The following ZBTB20 variants were observed in gnomAD, a reference collection of about 807,000 sequenced individuals.
ZBTB20 encodes the protein zinc finger and BTB domain containing 20, also known as zinc finger and BTB domain-containing protein 20.
ZBTB20 carries 9 observed loss-of-function variants against 56.9 expected under a neutral mutation model. The ratio of observed to expected loss-of-function variants is 0.16; its 90% CI spans 0.10 to 0.28. The LOEUF (loss-of-function observed/expected upper bound fraction) is 0.28, where lower values mean the gene tolerates loss of function less well. Among genes scored for constraint, ZBTB20 ranks in the 10% least tolerant of loss-of-function variants. ZBTB20 has a pLI of 1.00. For synonymous variants in ZBTB20, 417 were observed against 420.7 expected (o/e 0.99, Z 0.11); for missense variants, 655 against 1,003.0 (o/e 0.65, Z 4.69).
At chr3:114,790,677 T>C (rs2070890153) in intron 5 of ZBTB20, among the ~76,000 whole-genome samples, 1 of 151,972 alleles carries the variant, frequency 6.6e-6, no homozygotes, top group Non-Finnish European at 1.5e-5. Flanking sequence ...ACCTATCTGG[T>C]ACCAGCTTTG....
chr3:114,905,177 C>T (rs542604062), intron 3 of ZBTB20, among the ~76,000 whole-genome samples: 3 of 151,952 alleles, frequency 2.0e-5, no homozygotes, highest in South Asian at 4.2e-4. Flanking sequence ...TTAACTTAAA[C>T]TTCACAACTT....
intron 4 of ZBTB20, among the ~76,000 whole-genome samples, chr3:114,896,262 C>T (rs1005947460): frequency 1.3e-5 from 2 of 152,084 alleles, no homozygotes; most frequent in African/African-American, 4.8e-5. Flanking sequence ...TACTCAAAAG[C>T]ATTGAAAGCA....
At chr3:114,762,675 G>GCATC (rs1346115098) in intron 5 of ZBTB20, among the ~76,000 whole-genome samples, 3 of 152,162 alleles carry the variant, frequency 2.0e-5, no homozygotes, top group African/African-American at 7.2e-5. Flanking sequence ...GAGTTAATGA[G>GCATC]CATCCGTCTG....
intron 2 of ZBTB20, among the ~76,000 whole-genome samples, chr3:115,006,480 T>TATAA (rs1305434358): frequency 6.6e-6 from 1 of 151,518 alleles, no homozygotes; most frequent in African/African-American, 2.4e-5. Flanking sequence ...TATATATATA[T>TATAA]AACCATTTGT....
chr3:114,536,126 C>T (rs913208135), intron 6 of ZBTB20, among the ~76,000 whole-genome samples: 2 of 152,048 alleles, frequency 1.3e-5, no homozygotes, highest in African/African-American at 4.8e-5. Context: ...CTATTTAACA[C>T]AGTATTGGAA....
At chr3:114,703,295 A>G (rs983443204) in intron 5 of ZBTB20, among the ~76,000 whole-genome samples, 1 of 152,186 alleles carries the variant, frequency 6.6e-6, no homozygotes, top group African/African-American at 2.4e-5. Flanking sequence ...CCCTGTAAGG[A>G]AAAGCAATGG....
chr3:114,722,050 G>A (rs560320953), intron 5 of ZBTB20, among the ~76,000 whole-genome samples: 2 of 152,006 alleles, frequency 1.3e-5, no homozygotes, highest in Non-Finnish European at 2.9e-5. Flanking sequence ...ACAGTTCTTC[G>A]CATATAGGGG....
rs980129562 is a variant in ZBTB20, at chr3:114,335,772, C to T, written c.*3233G>A. On this transcript the variant is annotated 3_prime_UTR_variant, in exon 12 of 12. Transcript: ENST00000675478. ...ATGGACTACAATGATTATATCACCT[C>T]ATTAAGAATTCTTTAGGGATCCTCC... The T allele has an allele frequency of 2.0e-5, 3 of 152,168 alleles. No individual in the cohort carries two copies. The highest frequency in any genetic ancestry group is 4.4e-5 in the Non-Finnish European group (3 of 68,022). 9.4% of individuals were successfully genotyped at this position (152,168 alleles called of 1,614,324 possible). A position where few individuals can be genotyped will look rare whatever the true frequency, so the allele number is the denominator to read the frequency against.
chr3:114,425,497 G>A (rs939319234), intron 7 of ZBTB20, among the ~76,000 whole-genome samples: 3 of 152,088 alleles, frequency 2.0e-5, no homozygotes, highest in African/African-American at 4.8e-5. Flanking sequence ...ACCCTAAAAC[G>A]CTCAAAATGA....
chr3:114,994,497 G>A (rs995851411), intron 2 of ZBTB20, among the ~76,000 whole-genome samples: 2 of 151,864 alleles, frequency 1.3e-5, no homozygotes, highest in African/African-American at 4.8e-5. Flanking sequence ...TAGCTTAAAA[G>A]TATGTAACAG....
chr3:114,680,555 T>C (rs966428166), intron 6 of ZBTB20, among the ~76,000 whole-genome samples: 3 of 152,212 alleles, frequency 2.0e-5, no homozygotes, highest in African/African-American at 7.2e-5. Flanking sequence ...TCACAACCAG[T>C]GCTCAGTAAC....
intron 6 of ZBTB20, among the ~76,000 whole-genome samples, chr3:114,633,622 A>G (rs910591168): frequency 6.6e-6 from 1 of 152,182 alleles, no homozygotes; most frequent in African/African-American, 2.4e-5. Context: ...GGCATATTAT[A>G]TAACTCCAGA....
chr3:115,014,802 T>C (rs1457553043), intron 2 of ZBTB20, among the ~76,000 whole-genome samples: 1 of 151,734 alleles, frequency 6.6e-6, no homozygotes, highest in Non-Finnish European at 1.5e-5. Context: ...TATTGTTTGT[T>C]TTTCATTTGA....
intron 6 of ZBTB20, among the ~76,000 whole-genome samples, chr3:114,690,690 A>C (rs2062649319): frequency 6.6e-6 from 1 of 152,190 alleles, no homozygotes. Flanking sequence ...AAAATGATTC[A>C]GATTTTTATT....
intron 7 of ZBTB20, among the ~76,000 whole-genome samples, chr3:114,448,763 T>C (rs1298078160): frequency 2.0e-5 from 3 of 152,136 alleles, no homozygotes; most frequent in African/African-American, 4.8e-5. Flanking sequence ...TATTTGAATA[T>C]AAATGGGTGT....
At chr3:115,085,838 T>A (rs2082966036) in intron 1 of ZBTB20, among the ~76,000 whole-genome samples, 2 of 151,914 alleles carry the variant, frequency 1.3e-5, no homozygotes, top group South Asian at 4.1e-4. Context: ...AATTTTTTTA[T>A]GGTCTTTTTG....
intron 7 of ZBTB20, among the ~76,000 whole-genome samples, chr3:114,417,804 CT>C (rs1217492502): frequency 3.3e-5 from 5 of 151,990 alleles, no homozygotes; most frequent in Non-Finnish European, 7.4e-5. Context: ...CTTAAAGGAA[CT>C]TTCTTGGCTT....
At chr3:114,387,113 G>A (rs1189309300) in intron 8 of ZBTB20, among the ~76,000 whole-genome samples, 3 of 151,590 alleles carry the variant, frequency 2.0e-5, no homozygotes, top group African/African-American at 7.3e-5. Context: ...ACAATAATCT[G>A]GTTAAGTAGG....
At chr3:114,498,711 T>C (rs1204236559) in intron 7 of ZBTB20, among the ~76,000 whole-genome samples, 1 of 152,180 alleles carries the variant, frequency 6.6e-6, no homozygotes, top group Non-Finnish European at 1.5e-5. Flanking sequence ...GGTTAAAAAA[T>C]AGGATATCTC....
Sources: allele counts gnomAD v4.1 joint callset (sites outside exome capture counted in the v4.1 genomes callset), GRCh38; gene constraint gnomAD v4.1.1; transcripts MANE v1.5; gene names NCBI Gene and HGNC (gene_info 2026-07-23, HGNC 2026-07-21).